Variants in GRM8 observed in about 807,000 individuals in gnomAD.
GRM8 encodes metabotropic glutamate receptor 8.
Under a neutral mutation model 87.2 loss-of-function variants are expected in GRM8, and 47 were observed. The ratio of observed to expected loss-of-function variants is 0.54; its 90% CI spans 0.43 to 0.69. The LOEUF (loss-of-function observed/expected upper bound fraction) is 0.69. Ranked by LOEUF, GRM8 falls within the 30% of genes least tolerant of loss-of-function variation. The pLI is 0.00. For missense variants in GRM8, 1,019 were observed against 1,139.2 expected (o/e 0.89, Z 1.52); for synonymous variants, 396 against 404.5 (o/e 0.98, Z 0.25).
chr7:126,529,764 C>A (rs904768960), intron 9 of GRM8, among the ~76,000 whole-genome samples: 2 of 152,150 alleles, frequency 1.3e-5, no homozygotes, highest in Admixed American at 1.3e-4. Context: ...ATCCTTACAG[C>A]CCCTTACCAT....
At chr7:127,240,327 G>C (rs538033705) in intron 2 of GRM8, among the ~76,000 whole-genome samples, 10 of 151,936 alleles carry the variant, frequency 6.6e-5, no homozygotes, top group African/African-American at 2.4e-4. Flanking sequence ...ACATGACCAG[G>C]TCCTGATGGA....
At chr7:127,010,168 T>C (rs1172240450) in intron 3 of GRM8, among the ~76,000 whole-genome samples, 1 of 152,164 alleles carries the variant, frequency 6.6e-6, no homozygotes, top group Non-Finnish European at 1.5e-5. Flanking sequence ...TTAATACTTC[T>C]CTAATATTTG....
chr7:126,779,843 G>A (rs542880990), intron 6 of GRM8, among the ~76,000 whole-genome samples: 3 of 152,044 alleles, frequency 2.0e-5, no homozygotes, highest in South Asian at 4.1e-4. Context: ...TACACAACAC[G>A]GAAAAATATA....
intron 9 of GRM8, among the ~76,000 whole-genome samples, chr7:126,458,804 G>C (rs1264992539): frequency 6.6e-6 from 1 of 150,932 alleles, no homozygotes; most frequent in African/African-American, 2.4e-5. Context: ...TTTTTATTTG[G>C]AAACCAAATA....
intron 3 of GRM8, among the ~76,000 whole-genome samples, chr7:126,908,758 A>G (rs1419457): frequency 0.78 from 118,166 of 152,104 alleles, 46,359 homozygotes; most frequent in East Asian, 0.97. Flanking sequence ...TGCTATTCCC[A>G]CACCTCACCT....
intron 2 of GRM8, among the ~76,000 whole-genome samples, chr7:127,127,161 G>GAT (rs550421756): frequency 1.3e-5 from 2 of 151,812 alleles, no homozygotes; most frequent in Admixed American, 6.6e-5. Flanking sequence ...TAATTTGGCA[G>GAT]ATATATATAT....
At chr7:126,882,948 T>C (rs993132227) in intron 6 of GRM8, among the ~76,000 whole-genome samples, 2 of 152,222 alleles carry the variant, frequency 1.3e-5, no homozygotes, top group African/African-American at 4.8e-5. Flanking sequence ...CTGAAGGCTG[T>C]GTCTATAAGA....
intron 6 of GRM8, among the ~76,000 whole-genome samples, chr7:126,842,442 G>T (rs963017084): frequency 6.6e-6 from 1 of 152,204 alleles, no homozygotes; most frequent in African/African-American, 2.4e-5. Context: ...AAACAGGAAA[G>T]AATCACTACA....
intron 2 of GRM8, among the ~76,000 whole-genome samples, chr7:127,216,988 A>T (rs1394873646): frequency 6.6e-6 from 1 of 152,176 alleles, no homozygotes; most frequent in Non-Finnish European, 1.5e-5. Context: ...TTTTCTTCAC[A>T]GTCCATATCA....
At chr7:127,087,508 A>G (rs1823632025) in intron 3 of GRM8, among the ~76,000 whole-genome samples, 1 of 152,198 alleles carries the variant, frequency 6.6e-6, no homozygotes. Flanking sequence ...ACAGAAAGAC[A>G]AGTACTGCAA....
intron 7 of GRM8, among the ~76,000 whole-genome samples, chr7:126,675,815 C>T (rs1445259334): frequency 6.6e-6 from 1 of 152,144 alleles, no homozygotes; most frequent in Non-Finnish European, 1.5e-5. Flanking sequence ...AAAGGCTCAC[C>T]CCTAAGAACT....
At chr7:127,190,058 C>T (rs1794941283) in intron 2 of GRM8, among the ~76,000 whole-genome samples, 1 of 152,246 alleles carries the variant, frequency 6.6e-6, no homozygotes, top group Admixed American at 6.5e-5. Flanking sequence ...GACTTGTTCA[C>T]GTCTGCAGTC....
At chr7:126,547,198 G>A (rs1305096398) in intron 8 of GRM8, among the ~76,000 whole-genome samples, 2 of 152,108 alleles carry the variant, frequency 1.3e-5, no homozygotes, top group Non-Finnish European at 2.9e-5. Context: ...GCGTTATAGT[G>A]CACCCTTACA....
chr7:126,542,891 G>C (rs1034320292), intron 8 of GRM8, among the ~76,000 whole-genome samples: 1 of 152,226 alleles, frequency 6.6e-6, no homozygotes, highest in Non-Finnish European at 1.5e-5. Context: ...TGTGAATTAT[G>C]TCTAAGTGGT....
intron 3 of GRM8, among the ~76,000 whole-genome samples, chr7:126,996,183 C>T (rs1323006582): frequency 1.3e-5 from 2 of 151,988 alleles, no homozygotes; most frequent in East Asian, 3.9e-4. Context: ...AATACCAGAC[C>T]TGCCCTAAAA....
intron 9 of GRM8, among the ~76,000 whole-genome samples, chr7:126,487,035 T>C (rs1807450039): frequency 6.6e-6 from 1 of 152,108 alleles, no homozygotes; most frequent in Non-Finnish European, 1.5e-5. Context: ...GTTTCAACAG[T>C]AATTACCATA....
chr7:126,794,058 G>C (rs1821672353), intron 6 of GRM8, among the ~76,000 whole-genome samples: 1 of 151,900 alleles, frequency 6.6e-6, no homozygotes, highest in Admixed American at 6.6e-5. Flanking sequence ...TTACTTGCCT[G>C]GGTTTTCTTT....
intron 7 of GRM8, among the ~76,000 whole-genome samples, chr7:126,619,549 T>C: frequency 6.6e-6 from 1 of 152,098 alleles, no homozygotes; most frequent in Admixed American, 6.5e-5. Flanking sequence ...CTATTTACAT[T>C]AAAAAAAGAA....
intron 3 of GRM8, among the ~76,000 whole-genome samples, chr7:127,040,023 AGGAGGGAGGGGAGGGT>A (rs1818260080): frequency 1.2e-4 from 4 of 32,772 alleles, no homozygotes; most frequent in Admixed American, 2.8e-4. Flanking sequence ...GGGGAGGGTG[AGGAGGGAGGGGAGGGT>A]GAGGAGGGTG....
Sources: gnomAD v4.1 joint callset for allele counts (sites outside exome capture counted in the v4.1 genomes callset) on GRCh38, gnomAD v4.1.1 for gene constraint, MANE v1.5 for transcripts, NCBI Gene and HGNC (gene_info 2026-07-23, HGNC 2026-07-21) for gene names.